Variants in EDA observed in about 807,000 individuals in gnomAD.
EDA encodes the protein ectodysplasin-A.
EDA carries 2 observed loss-of-function variants against 23.6 expected under a neutral mutation model. The ratio of observed to expected loss-of-function variants is 0.08; its 90% CI spans 0.03 to 0.27. EDA has a LOEUF of 0.27. Among genes scored for constraint, EDA ranks in the 10% least tolerant of loss-of-function variants. EDA has a pLI of 1.00. For missense variants in EDA, 229 were observed against 324.2 expected (o/e 0.71, Z 2.26); for synonymous variants, 131 against 132.0 (o/e 0.99, Z 0.05).
chrX:69,861,011 C>T (rs183483956), intron 1 of EDA: 5 of 495,005 alleles, frequency 1.0e-5, no homozygotes, highest in Non-Finnish European at 1.5e-5. Flanking sequence ...GTTAAATGAA[C>T]ATTTATATCC....
At chrX:69,904,771 T>G in intron 1 of EDA, among the ~76,000 whole-genome samples, 1 of 112,267 alleles carries the variant, frequency 8.9e-6, no homozygotes, top group Non-Finnish European at 1.9e-5. Context: ...AGTGAGAATG[T>G]GCAATGTTTG....
In EDA at chrX:69,791,598, G is replaced by T. The variant is rs2428150; in HGVS notation, c.397-165429G>T. Among the ~76,000 whole-genome samples the T allele has an allele frequency of 2.7e-5, 3 of 111,424 alleles. No individual in the cohort carries two copies. The South Asian group carries it at 1.1e-3, about 42-fold the overall frequency. ...CATGAAATTATAATGTATGCTAATA[G>T]ACAAATACTAATTTTATAGAAATTT... On this transcript the variant is annotated intron_variant, in intron 1 of 7. Transcript: ENST00000374552.
intron 1 of EDA, among the ~76,000 whole-genome samples, chrX:69,836,209 G>A (rs1032041074): frequency 8.9e-6 from 1 of 112,567 alleles, no homozygotes; most frequent in African/African-American, 3.2e-5. Flanking sequence ...ACTTGAGGAG[G>A]CAGTCTGTCC....
intron 1 of EDA, among the ~76,000 whole-genome samples, chrX:69,887,021 G>A (rs755737355): frequency 8.9e-6 from 1 of 112,319 alleles, no homozygotes; most frequent in Non-Finnish European, 1.9e-5. Context: ...GCAAGAAATG[G>A]AGATCTACAA....
At chrX:69,889,107 C>CTTG (rs1421444496) in intron 1 of EDA, among the ~76,000 whole-genome samples, 1 of 96,778 alleles carries the variant, frequency 1.0e-5, no homozygotes, top group Non-Finnish European at 2.1e-5. Context: ...TTTACCAAAA[C>CTTG]TTGTTATTTT....
At chrX:69,841,357 A>G (rs1175607916) in intron 1 of EDA, among the ~76,000 whole-genome samples, 1 of 111,478 alleles carries the variant, frequency 9.0e-6, no homozygotes, top group Non-Finnish European at 1.9e-5. Context: ...GAGAGTTTGG[A>G]TACAGAATTA....
intron 1 of EDA, among the ~76,000 whole-genome samples, chrX:69,790,403 T>C (rs2015370070): frequency 9.1e-6 from 1 of 110,262 alleles, no homozygotes; most frequent in Non-Finnish European, 1.9e-5. Context: ...GATACTACTT[T>C]TACCCGTTAA....
At chrX:69,669,679 C>T (rs1308644424) in intron 1 of EDA, among the ~76,000 whole-genome samples, 2 of 109,031 alleles carry the variant, frequency 1.8e-5, no homozygotes, top group African/African-American at 3.3e-5. Context: ...TTCTTTTCAA[C>T]TTTTATTTTA....
intron 1 of EDA, among the ~76,000 whole-genome samples, chrX:69,933,078 A>T (rs1157128333): frequency 1.8e-5 from 2 of 111,065 alleles, no homozygotes; most frequent in Non-Finnish European, 3.8e-5. Flanking sequence ...CCTACCTGCC[A>T]ATTCTAGTCA....
intron 1 of EDA, among the ~76,000 whole-genome samples, chrX:69,942,851 C>G (rs2018781627): frequency 9.0e-6 from 1 of 110,835 alleles, no homozygotes; most frequent in Non-Finnish European, 1.9e-5. Context: ...AGGCTATTTT[C>G]TAGATCTTAT....
At chrX:69,677,361 T>G (rs1317725645) in intron 1 of EDA, among the ~76,000 whole-genome samples, 12 of 111,026 alleles carry the variant, frequency 1.1e-4, no homozygotes, top group Admixed American at 1.9e-4. Flanking sequence ...GGATGGCTGG[T>G]TCAAATGGCA....
chrX:69,764,047 C>T (rs1194560150), intron 1 of EDA, among the ~76,000 whole-genome samples: 1 of 108,566 alleles, frequency 9.2e-6, no homozygotes, highest in Non-Finnish European at 1.9e-5. Flanking sequence ...GTGAGGTGGG[C>T]AGAAGGGACA....
In EDA at chrX:69,910,078, AC is replaced by A. The variant is rs1476626744; in HGVS notation, c.397-46948del. Among the ~76,000 whole-genome samples, 15 of 111,488 alleles carry A rather than the reference AC, an allele frequency of 1.3e-4. 1 individual carries two copies. Among genetic ancestry groups the A allele is most frequent in the Admixed American group, 1.2e-3 (12 of 10,398 alleles). On this transcript the variant is annotated intron_variant, in intron 1 of 7. Coordinates refer to ENST00000374552, the MANE Select transcript of EDA (RefSeq NM_001399.5). ...ATAATTCAACAGTTATTAAGCCCCT[AC>A]TATGTGTTAGGCAGTTTTATATCTA...
intron 3 of EDA, among the ~76,000 whole-genome samples, chrX:70,024,291 T>C (rs1786435299): frequency 3.6e-5 from 4 of 112,027 alleles, no homozygotes; most frequent in African/African-American, 1.3e-4. Context: ...TCTGGTGCCT[T>C]GAGGTATCAT....
At chrX:69,723,285 T>C (rs1037248526) in intron 1 of EDA, among the ~76,000 whole-genome samples, 1 of 112,139 alleles carries the variant, frequency 8.9e-6, no homozygotes, top group African/African-American at 3.2e-5. Flanking sequence ...TTCAAAATAC[T>C]TACCTTGTGT....
chrX:69,883,080 G>A (rs188583650), intron 1 of EDA, among the ~76,000 whole-genome samples: 202 of 112,205 alleles, frequency 1.8e-3, no homozygotes, highest in African/African-American at 6.0e-3. Context: ...AAGATTGCAA[G>A]CTTAATTTTT....
chrX:69,719,302 T>G (rs2012476400), intron 1 of EDA, among the ~76,000 whole-genome samples: 1 of 111,252 alleles, frequency 9.0e-6, no homozygotes, highest in Non-Finnish European at 1.9e-5. Flanking sequence ...TTAAAAATGT[T>G]TTCCTCATAG....
At chrX:69,839,004 C>T (rs2016841073) in intron 1 of EDA, among the ~76,000 whole-genome samples, 1 of 111,983 alleles carries the variant, frequency 8.9e-6, no homozygotes, top group Non-Finnish European at 1.9e-5. Context: ...TCCATATAGG[C>T]AGATATAGAA....
At chrX:69,741,153 G>C (rs1043111437) in intron 1 of EDA, among the ~76,000 whole-genome samples, 1 of 110,190 alleles carries the variant, frequency 9.1e-6, no homozygotes, top group Non-Finnish European at 1.9e-5. Flanking sequence ...TATAATACTT[G>C]CCTTGAAGAC....
Sources: gnomAD v4.1 joint callset for allele counts (sites outside exome capture counted in the v4.1 genomes callset) on GRCh38, gnomAD v4.1.1 for gene constraint, MANE v1.5 for transcripts, NCBI Gene and HGNC (gene_info 2026-07-23, HGNC 2026-07-21) for gene names.